The following PSAP variants were observed in gnomAD, a reference collection of about 807,000 sequenced individuals.
PSAP encodes the protein prosaposin, also known as precursor of saposins.
A neutral mutation model predicts 66.0 loss-of-function variants in PSAP; 25 were observed. That is an observed-to-expected ratio of 0.38 (90% confidence interval 0.28 to 0.53). The LOEUF (loss-of-function observed/expected upper bound fraction) is 0.53, where lower values mean the gene tolerates loss of function less well. PSAP is among the 20% of genes least tolerant of loss of function. The pLI, the probability that PSAP is intolerant of heterozygous loss-of-function variation, is 0.83. For synonymous variants in PSAP, 273 were observed against 258.9 expected (o/e 1.05, Z -0.52); for missense variants, 649 against 668.8 (o/e 0.97, Z 0.33).
At chr10:71,826,101 T>C (rs1842395629) in intron 6 of PSAP, among the ~76,000 whole-genome samples, 1 of 152,240 alleles carries the variant, frequency 6.6e-6, no homozygotes, top group South Asian at 2.1e-4. Context: ...AGGAAATGTG[T>C]GCAAAAGACG....
At position 71,823,011 on chromosome 10, in the gene PSAP, GA is replaced by G. The variant is rs1239335636; in HGVS notation, c.778-1005del. ...AGCTGAAGATACAGCAAGCTTTTTA[GA>G]AAAAAAAAAAAGACGCCAATATTCA... On this transcript the variant is annotated intron_variant, in intron 7 of 13. Coordinates refer to ENST00000394936, the MANE Select transcript of PSAP (RefSeq NM_002778.4). Among the ~76,000 whole-genome samples, 467 of 142,194 alleles carry G rather than the reference GA, an allele frequency of 3.3e-3. 5 individuals are homozygous for G. The highest frequency in any genetic ancestry group is 9.4e-3 in the African/African-American group (368 of 39,200). The allele number at this position is 142,194 out of a possible 152,430, so 93.3% of individuals were successfully genotyped here. A position where few individuals can be genotyped will look rare whatever the true frequency, so the allele number is the denominator to read the frequency against.
intron 7 of PSAP, chr10:71,822,284 A>C (rs1189778464): frequency 2.2e-6 from 1 of 458,152 alleles, no homozygotes; most frequent in East Asian, 4.1e-5. Flanking sequence ...CACGAGGGAG[A>C]CTCCCCAGCA....
chr10:71,840,456 T>C (rs968923131), intron 1 of PSAP, among the ~76,000 whole-genome samples: 3 of 152,226 alleles, frequency 2.0e-5, no homozygotes, highest in African/African-American at 7.2e-5. Flanking sequence ...GCCACAAATA[T>C]CTTCTATGGC....
chr10:71,847,251 T>C (rs956238068), intron 1 of PSAP, among the ~76,000 whole-genome samples: 4 of 152,114 alleles, frequency 2.6e-5, no homozygotes, highest in Admixed American at 2.6e-4. Context: ...GGTCAGGAGT[T>C]CAAGACCAGC....
intron 2 of PSAP, among the ~76,000 whole-genome samples, chr10:71,834,027 C>G (rs575255483): frequency 1.6e-4 from 25 of 152,286 alleles, no homozygotes; most frequent in African/African-American, 5.8e-4. Context: ...GCACTGCCAA[C>G]CCACTGGCCT....
chr10:71,842,518 A>G (rs918022421), intron 1 of PSAP, among the ~76,000 whole-genome samples: 1 of 152,206 alleles, frequency 6.6e-6, no homozygotes, highest in African/African-American at 2.4e-5. Context: ...TCAATAACTA[A>G]TTAGTATATA....
chr10:71,834,499 G>A lies in PSAP; in HGVS notation c.47C>T (p.Ala16Val), dbSNP rs760532966. 1.2e-6 allele frequency: 2 copies of A among 1,613,858 alleles called. No homozygotes were observed. The highest frequency in any genetic ancestry group is 1.7e-6 in the Non-Finnish European group (2 of 1,179,932). Reference protein sequence around the residue: ...LLASLLGAALAGPVLGLKECT... With the variant: ...LLASLLGAALVGPVLGLKECT... ...TTCTTTCAGTCCAAGGACCGGGCCG[G>A]CTAGAGCTAAAATGAAAACCAACGT... The change falls in exon 2 of 14, where the codon GCC (alanine) becomes GTC (valine). Residue 16 changes from alanine to valine, a missense_variant. Physicochemically the swap from Ala to Val is moderately conservative, Grantham distance 64. Coordinates refer to ENST00000394936, the MANE Select transcript of PSAP (RefSeq NM_002778.4).
chr10:71,821,074 G>A (rs1007506536), intron 8 of PSAP, among the ~76,000 whole-genome samples: 1 of 152,248 alleles, frequency 6.6e-6, no homozygotes, highest in Non-Finnish European at 1.5e-5. Flanking sequence ...GGCTGGAGCT[G>A]AGGAGCACCC....
intron 1 of PSAP, among the ~76,000 whole-genome samples, chr10:71,850,231 T>A (rs1842901865): frequency 1.3e-5 from 2 of 152,184 alleles, no homozygotes; most frequent in South Asian, 4.1e-4. Context: ...CCAGTCACCC[T>A]TTCATTTCCA....
At chr10:71,832,685 C>G (rs886176498) in intron 2 of PSAP, among the ~76,000 whole-genome samples, 13 of 152,110 alleles carry the variant, frequency 8.5e-5, no homozygotes, top group African/African-American at 3.1e-4. Flanking sequence ...GTTCCACAGA[C>G]AGCCCTCAAC....
rs1302783839 is a variant in PSAP at position 71,825,883 on chromosome 10, T to C, written c.731A>G (p.Tyr244Cys). 3.7e-6 allele frequency: 6 copies of C among 1,613,426 alleles called. No individual in the cohort carries two copies. Among genetic ancestry groups the C allele is most frequent in the Middle Eastern group, 1.6e-4 (1 of 6,080 alleles). ...AGCAATTTCAGAATACTGGCTGATATAGTTCTTGCACTGAGGAGAGAGAAA... is the reference window on the plus strand; with the variant it reads ...AGCAATTTCAGAATACTGGCTGATACAGTTCTTGCACTGAGGAGAGAGAAA... ...GPGMADICKNYISQYSEIAIQ... is the reference protein window; with the variant it reads ...GPGMADICKNCISQYSEIAIQ... The change falls in exon 7 of 14, where the codon TAT becomes TGT. Residue 244 changes from tyrosine (Y) to cysteine (C), a missense_variant. Transcript: ENST00000394936.
rs942175680 is a variant in PSAP, at chr10:71,816,642, T to C, written c.*799A>G. On this transcript the variant is annotated 3_prime_UTR_variant, in exon 14 of 14. Transcript: ENST00000394936. ...AGCAGCGCCTCAACAGCCAGGGACA[T>C]GTAGGCAACACGAGCAGGCACAGCG... 12 of 365,330 alleles carry C rather than the reference T, an allele frequency of 3.3e-5. No individual in the cohort carries two copies. The highest frequency in any genetic ancestry group is 8.8e-4 in the Middle Eastern group (1 of 1,142). The allele number at this position is 365,330 out of a possible 1,614,324, so 22.6% of individuals were successfully genotyped here.
rs1302858711 is a variant in PSAP at position 71,819,137 on chromosome 10, T to C, written c.1351-26A>G. On this transcript the variant is annotated intron_variant, in intron 11 of 13. Transcript: ENST00000394936. Reference sequence around the variant, plus strand: ...CTATAAAGGAAAGTGGGGACACAGGTCCAGCTCTGGGGGTGTCCGAGCATA... The same window carrying C: ...CTATAAAGGAAAGTGGGGACACAGGCCCAGCTCTGGGGGTGTCCGAGCATA... 1.3e-6 allele frequency: 2 copies of C among 1,599,086 alleles called. No individual in the cohort carries two copies. The highest frequency in any genetic ancestry group is 2.7e-5 in the African/African-American group (2 of 74,564).
Position 71,829,770 on chromosome 10 carries a change from G to A in PSAP, c.376-693C>T, listed in dbSNP as rs187462778. 8.8e-3 allele frequency among the ~76,000 whole-genome samples: 1,341 copies of A among 152,102 alleles called. 28 individuals are homozygous for A. Among genetic ancestry groups the A allele is most frequent in the East Asian group, 0.079 (410 of 5,170 alleles). Reference sequence around the variant, plus strand: ...TCCCAGCACTTTGTGAGGCCGAGGCGGGCGGATCGCCTGAGGTCAGGAGTT... The same window carrying A: ...TCCCAGCACTTTGTGAGGCCGAGGCAGGCGGATCGCCTGAGGTCAGGAGTT... On this transcript the variant is annotated intron_variant, in intron 4 of 13. Transcript: ENST00000394936.
chr10:71,831,307 T>C (rs1842511272), intron 3 of PSAP, 56 bp from the exon 4 acceptor site: 11 of 1,603,988 alleles, frequency 6.9e-6, no homozygotes, highest in Admixed American at 1.7e-5. Context: ...TGGAAATAAA[T>C]GGGCTGAAGG....
intron 1 of PSAP, among the ~76,000 whole-genome samples, chr10:71,846,541 A>G (rs1842827559): frequency 6.6e-6 from 1 of 151,914 alleles, no homozygotes; most frequent in Non-Finnish European, 1.5e-5. Context: ...CCTGGCTAAC[A>G]TGGCAAAACC....
In PSAP at chr10:71,817,082, G is replaced by C. The variant is rs902478132; in HGVS notation, c.*359C>G. 1 of 405,610 alleles carries C rather than the reference G, an allele frequency of 2.5e-6. No homozygotes were observed. The highest frequency in any genetic ancestry group is 2.0e-5 in the African/African-American group (1 of 49,118). The allele number at this position is 405,610 out of a possible 1,614,324, so 25.1% of individuals were successfully genotyped here. ...CCCACCAGTGCCCAAGCACATGTCA[G>C]GGCTCAGAACAAGGCCTCAACCAAG... On this transcript the variant is annotated 3_prime_UTR_variant, in exon 14 of 14. Transcript: ENST00000394936.
intron 1 of PSAP, among the ~76,000 whole-genome samples, chr10:71,835,684 A>G (rs1842608334): frequency 6.6e-6 from 1 of 152,300 alleles, no homozygotes; most frequent in Admixed American, 6.5e-5. Flanking sequence ...TTCTAGCCCA[A>G]TTATTTAGCT....
intron 1 of PSAP, among the ~76,000 whole-genome samples, chr10:71,837,663 G>C (rs1416277561): frequency 6.6e-6 from 1 of 152,256 alleles, no homozygotes; most frequent in African/African-American, 2.4e-5. Context: ...CCAAAGAGCA[G>C]GAGGAACAGA....
Sources: allele counts gnomAD v4.1 joint callset (sites outside exome capture counted in the v4.1 genomes callset), GRCh38; gene constraint gnomAD v4.1.1; transcripts MANE v1.5; gene names NCBI Gene and HGNC (gene_info 2026-07-23, HGNC 2026-07-21).